DUSP15: variants seen among roughly 807,000 people sequenced by gnomAD.
The protein encoded by DUSP15 is dual specificity protein phosphatase 15.
Under a neutral mutation model 26.3 loss-of-function variants are expected in DUSP15, and 23 were observed. The observed-to-expected ratio is 0.87, with a 90% confidence interval of 0.63 to 1.24. The LOEUF (loss-of-function observed/expected upper bound fraction) is 1.24. Among genes scored for constraint, DUSP15 ranks in the 50% most tolerant of loss-of-function variants. The probability of loss-of-function intolerance (pLI) is 0.00; values close to 1 mark genes in which losing one functional copy is unlikely to be tolerated. For missense variants in DUSP15, 364 were observed against 320.6 expected (o/e 1.14, Z -1.03); for synonymous variants, 143 against 135.5 (o/e 1.06, Z -0.39).
In DUSP15 at chr20:31,850,602, G is replaced by A. The variant is rs552399094; in HGVS notation, c.491+10C>T. On this transcript the variant is annotated intron_variant, in intron 7 of 9. Transcript: ENST00000278979. ...CACTGGTCGGAGGGGAGGGGATTTCGATTCCTTACCAGGTTGCTGAAGTCA... is the reference window on the plus strand; with the variant it reads ...CACTGGTCGGAGGGGAGGGGATTTCAATTCCTTACCAGGTTGCTGAAGTCA... The A allele has an allele frequency of 1.1e-4, 173 of 1,608,992 alleles. 1 individual carries two copies. In the Middle Eastern group the frequency reaches 1.3e-3, roughly 12 times the overall value.
upstream of DUSP15, chr20:31,870,654 C>A (rs2062906449): frequency 6.3e-6 from 8 of 1,261,302 alleles, no homozygotes; most frequent in Non-Finnish European, 8.1e-6. The surrounding 1 kb of genome is among the most constrained non-coding windows in gnomAD (Gnocchi z 6.6). Flanking sequence ...GCCCACGGCC[C>A]GCGGGACAAC....
exon 8 of DUSP15, chr20:31,849,820 G>T (rs750621165): frequency 6.5e-6 from 10 of 1,528,170 alleles, no homozygotes; most frequent in Admixed American, 4.2e-5. Context: ...CTGTGCGCCC[G>T]GTGGCTTCGC....
At chr20:31,855,420 G>A (rs1371201616) in intron 6 of DUSP15, among the ~76,000 whole-genome samples, 1 of 152,206 alleles carries the variant, frequency 6.6e-6, no homozygotes, top group East Asian at 1.9e-4. Flanking sequence ...AGGGTCGACT[G>A]TGTGTGGTGG....
chr20:31,861,689 G>T lies in DUSP15; in HGVS notation c.436-14C>A. ...CTGCCGGCGAAGCTGGGGTGGGCGG[G>T]TGAGGTGGGCGGGGTCAAGGCCGGC... On this transcript the variant is annotated splice_polypyrimidine_tract_variant and intron_variant, in intron 6 of 6. Transcript: ENST00000339738. 1.0e-5 allele frequency: 8 copies of T among 800,868 alleles called. No homozygotes were observed. The highest frequency in any genetic ancestry group is 1.6e-5 in the South Asian group (1 of 61,058). 49.6% of individuals were successfully genotyped at this position (800,868 alleles called of 1,614,324 possible).
At position 31,848,829 on chromosome 20, in the gene DUSP15, T is replaced by A. The variant is rs2062412527; in HGVS notation, c.703A>T (p.Lys235Ter). 1 of 1,612,092 alleles carries A rather than the reference T, an allele frequency of 6.2e-7. No individual in the cohort carries two copies. Among genetic ancestry groups the A allele is most frequent in the Non-Finnish European group, 8.5e-7 (1 of 1,179,506 alleles). ...ACGTCCGCCATGATGAGCTGCTCCT[T>A]GGGGTGCTGTGTGGGGCCCGGGTCC... Residue 235 changes from lysine to a stop codon, truncating the protein, a stop_gained, in exon 9 of 10, where the codon AAG (lysine) becomes TAG (stop). Coordinates refer to the DUSP15 transcript ENST00000278979. LOFTEE classifies it low-confidence loss of function (END_TRUNC).
At chr20:31,866,304 T>C (rs957056917) in intron 3 of DUSP15, among the ~76,000 whole-genome samples, 2 of 152,176 alleles carry the variant, frequency 1.3e-5, no homozygotes. Flanking sequence ...TGATTAAATT[T>C]GTTATAGTAT....
At chr20:31,856,340 C>A (rs913136821), downstream of DUSP15, among the ~76,000 whole-genome samples, 1 of 151,998 alleles carries the variant, frequency 6.6e-6, no homozygotes, top group African/African-American at 2.4e-5. Flanking sequence ...GGAATTGAGA[C>A]TCCTTCACAA....
At position 31,870,477 on chromosome 20, in the gene DUSP15, C is replaced by A; in HGVS notation, c.-140G>T. On this transcript the variant is annotated 5_prime_UTR_variant, in exon 1 of 7. Transcript: ENST00000339738. This position sits in a 1 kb window ranked among gnomAD's most constrained non-coding sequence, Gnocchi z 6.6. ...GCCTGGCGTCCGCGGCCCTGCCCAG[C>A]CCTGCCCAGCCACCGCCACCGCCCG... 1.5e-6 allele frequency: 2 copies of A among 1,364,892 alleles called. No individual in the cohort carries two copies. Among genetic ancestry groups the A allele is most frequent in the South Asian group, 1.8e-5 (1 of 57,026 alleles). The allele number at this position is 1,364,892 out of a possible 1,614,324, so 84.5% of individuals were successfully genotyped here. A position where few individuals can be genotyped will look rare whatever the true frequency, so the allele number is the denominator to read the frequency against.
At chr20:31,848,390 G>T (rs1327524402) in exon 10 of DUSP15, 1 of 1,609,728 alleles carries the variant, frequency 6.2e-7, no homozygotes, top group South Asian at 1.1e-5. Flanking sequence ...GAGCCCCCCT[G>T]TTGGGGGCTG....
exon 10 of DUSP15, chr20:31,847,704 C>G (rs1355348335): frequency 6.6e-6 from 1 of 152,208 alleles, no homozygotes; most frequent in Non-Finnish European, 1.5e-5. Flanking sequence ...GTCCCCCTTT[C>G]CAGTTCTCAG....
rs559642787 is a variant in DUSP15 at position 31,861,872 on chromosome 20, T to A, written c.436-197A>T. On this transcript the variant is annotated intron_variant, in intron 6 of 6. Transcript: ENST00000339738. ...CCCTCACTGAGTCCCTCTTCCCTTC[T>A]AGGAGGCCCCTCCCTCTCCCTGACC... Among the ~76,000 whole-genome samples, 3 of 151,916 alleles carry A rather than the reference T, an allele frequency of 2.0e-5. No individual in the cohort carries two copies. The East Asian group carries it at 5.9e-4, about 30-fold the overall frequency.
At position 31,861,613 on chromosome 20, in the gene DUSP15, G is replaced by C; in HGVS notation, c.498C>G (p.Arg166=). The C allele has an allele frequency of 7.4e-6, 11 of 1,491,112 alleles. No individual in the cohort carries two copies. Among genetic ancestry groups the C allele is most frequent in the Non-Finnish European group, 9.7e-6 (11 of 1,128,990 alleles). The allele number at this position is 1,491,112 out of a possible 1,614,324, so 92.4% of individuals were successfully genotyped here. Residue 166 remains arginine, a synonymous_variant, in exon 7 of 7, where the codon CGC becomes CGG. Coordinates refer to ENST00000339738, the MANE Select transcript of DUSP15 (RefSeq NM_080611.5). The stretch of plus-strand genomic sequence containing the variant: ...AGCGCTTGCACAGCGGCAGCAGCGC[G>C]CGCAACTCCTCCTCGTCGCGGAAGG... The part of the protein sequence containing the change: ...ESPFRDEEEL[R]ALLPLCKRCR...
chr20:31,869,753 TC>T, intron 1 of DUSP15, 156 bp from the exon 2 acceptor site: 1 of 1,483,350 alleles, frequency 6.7e-7, no homozygotes, highest in Non-Finnish European at 9.0e-7. Flanking sequence ...CCCTGAGTCC[TC>T]TGTGAGAGGG....
intron 7 of DUSP15, chr20:31,850,525 G>C: frequency 7.3e-7 from 1 of 1,370,068 alleles, no homozygotes; most frequent in Non-Finnish European, 1.0e-6. Context: ...GGTGCTTTGG[G>C]TGGGAGAGAG....
At chr20:31,864,820 TG>T in intron 4 of DUSP15, 132 bp downstream of exon 4, 1 of 942,686 alleles carries the variant, frequency 1.1e-6, no homozygotes, top group Non-Finnish European at 1.7e-6. Flanking sequence ...GAGTCAAACC[TG>T]GGACTGGTTG....
chr20:31,861,069 C>CA, downstream of DUSP15: 9 of 1,138,262 alleles, frequency 7.9e-6, no homozygotes, highest in Non-Finnish European at 9.7e-6. Context: ...GGCACTCGGA[C>CA]AGGCAGCTTC....
chr20:31,870,489 A>C lies in DUSP15; in HGVS notation c.-152T>G. The C allele has an allele frequency of 2.2e-6, 3 of 1,373,280 alleles. No homozygotes were observed. Among genetic ancestry groups the C allele is most frequent in the East Asian group, 6.2e-5 (2 of 32,150 alleles). The allele number at this position is 1,373,280 out of a possible 1,614,324, so 85.1% of individuals were successfully genotyped here. On this transcript the variant is annotated 5_prime_UTR_variant, in exon 1 of 7. Transcript: ENST00000339738. The surrounding 1 kb of genome is among the most constrained non-coding windows in gnomAD (Gnocchi z 6.6). ...CGGCCCTGCCCAGCCCTGCCCAGCCACCGCCACCGCCCGCCGACCCCCGGC... is the reference window on the plus strand; with the variant it reads ...CGGCCCTGCCCAGCCCTGCCCAGCCCCCGCCACCGCCCGCCGACCCCCGGC...
intron 4 of DUSP15, chr20:31,864,238 T>C: frequency 8.2e-7 from 1 of 1,226,576 alleles, no homozygotes; most frequent in Non-Finnish European, 1.0e-6. Flanking sequence ...GCACTCCTCC[T>C]GTGGACCCTG....
exon 10 of DUSP15, chr20:31,848,460 G>A: frequency 6.2e-7 from 1 of 1,612,298 alleles, no homozygotes; most frequent in Non-Finnish European, 8.5e-7. Flanking sequence ...CTGCATTGAA[G>A]GTGAGTGATG....
Sources: gnomAD v4.1 joint callset for allele counts (sites outside exome capture counted in the v4.1 genomes callset) on GRCh38, gnomAD v4.1.1 for gene constraint, Gnocchi (gnomAD v3.1) non-coding constraint, MANE v1.5 for transcripts, NCBI Gene and HGNC (gene_info 2026-07-23, HGNC 2026-07-21) for gene names.